C12orf42: variants seen among roughly 807,000 people sequenced by gnomAD.
C12orf42 encodes the protein chromosome 12 open reading frame 42, also known as uncharacterized protein C12orf42.
Under a neutral mutation model 21.6 loss-of-function variants are expected in C12orf42, and 25 were observed. The ratio of observed to expected loss-of-function variants is 1.16; its 90% confidence interval spans 0.84 to 1.62. The LOEUF is 1.62. Ranked by LOEUF, C12orf42 falls within the 40% of genes most tolerant of loss-of-function variation. C12orf42 has a pLI of 0.00. For synonymous variants in C12orf42, 174 were observed against 175.0 expected (o/e 0.99, Z 0.05); for missense variants, 483 against 459.3 (o/e 1.05, Z -0.47).
In C12orf42 at chr12:103,302,012, C is replaced by T; in HGVS notation, c.*96G>A. 7.6e-7 allele frequency: 1 copy of T among 1,319,532 alleles called. No individual in the cohort carries two copies. Among genetic ancestry groups the T allele is most frequent in the Non-Finnish European group, 1.0e-6 (1 of 956,428 alleles). 81.7% of individuals were successfully genotyped at this position (1,319,532 alleles called of 1,614,324 possible). Reference sequence around the variant, plus strand: ...GCTTCACAAAAGCCTAACAATGGTTCTGTGGAAACCAGTACATCTGAGGCC... The same window carrying T: ...GCTTCACAAAAGCCTAACAATGGTTTTGTGGAAACCAGTACATCTGAGGCC... On this transcript the variant is annotated 3_prime_UTR_variant, in exon 6 of 6. Coordinates refer to ENST00000548883, the MANE Select transcript of C12orf42 (RefSeq NM_198521.5).
intron 2 of C12orf42, among the ~76,000 whole-genome samples, chr12:103,447,019 G>C (rs1951620257): frequency 6.6e-6 from 1 of 151,956 alleles, no homozygotes; most frequent in African/African-American, 2.4e-5. Flanking sequence ...GGACTTAACA[G>C]ATATTTGCAG....
intron 4 of C12orf42, among the ~76,000 whole-genome samples, chr12:103,341,680 A>T (rs1010710981): frequency 1.3e-5 from 2 of 152,352 alleles, no homozygotes; most frequent in Non-Finnish European, 2.9e-5. Context: ...CAATTAATAG[A>T]CAGAGATGTC....
chr12:103,433,590 G>A (rs1286432373), intron 2 of C12orf42, among the ~76,000 whole-genome samples: 1 of 152,164 alleles, frequency 6.6e-6, no homozygotes, highest in Non-Finnish European at 1.5e-5. Flanking sequence ...ACAAGTTAAA[G>A]ACACAGCAAA....
chr12:103,494,760 C>A (rs570055120), intron 1 of C12orf42, among the ~76,000 whole-genome samples: 1 of 152,218 alleles, frequency 6.6e-6, no homozygotes, highest in South Asian at 2.1e-4. Context: ...TAGTGCCTAG[C>A]AGTTTTCATG....
intron 4 of C12orf42, among the ~76,000 whole-genome samples, chr12:103,286,731 A>G (rs1347177870): frequency 1.3e-5 from 2 of 152,188 alleles, no homozygotes; most frequent in East Asian, 3.8e-4. Context: ...ATAAAATGAA[A>G]TGGATCATAG....
intron 10 of C12orf42, among the ~76,000 whole-genome samples, chr12:103,248,326 A>T (rs2034111234): frequency 6.6e-6 from 1 of 152,024 alleles, no homozygotes; most frequent in Non-Finnish European, 1.5e-5. Context: ...ATGTTTTAAC[A>T]CCCACAATGC....
At chr12:103,511,690 C>T in the C12orf42 span, among the ~76,000 whole-genome samples, 1 of 152,110 alleles carries the variant, frequency 6.6e-6, no homozygotes, top group Non-Finnish European at 1.5e-5. Flanking sequence ...GAAGCAGGCC[C>T]AGGTGGAGAC....
At chr12:103,295,650 A>G (rs941138667) in intron 4 of C12orf42, among the ~76,000 whole-genome samples, 1 of 152,164 alleles carries the variant, frequency 6.6e-6, no homozygotes, top group Non-Finnish European at 1.5e-5. Context: ...AATTGTGCTC[A>G]ATGTCAGTGT....
At chr12:103,524,919 T>C in the C12orf42 span, among the ~76,000 whole-genome samples, 1 of 123,866 alleles carries the variant, frequency 8.1e-6, no homozygotes, top group African/African-American at 3.0e-5. Context: ...TCACAAAACA[T>C]GGCTGGCCCA....
chr12:103,498,959 C>G (rs545841427), upstream of C12orf42, among the ~76,000 whole-genome samples: 1 of 151,920 alleles, frequency 6.6e-6, no homozygotes, highest in East Asian at 1.9e-4. Context: ...ATAGATGCAG[C>G]AAACCACCAT....
intron 4 of C12orf42, among the ~76,000 whole-genome samples, chr12:103,295,293 A>G (rs1405739744): frequency 6.6e-6 from 1 of 152,162 alleles, no homozygotes; most frequent in Non-Finnish European, 1.5e-5. Context: ...TCTTTTATAG[A>G]GAGCCGAACT....
chr12:103,321,120 CA>C (rs1199049519), intron 4 of C12orf42, among the ~76,000 whole-genome samples: 5 of 151,906 alleles, frequency 3.3e-5, no homozygotes. Context: ...ACTCATCTGA[CA>C]AAGGACTAAT....
the C12orf42 span, among the ~76,000 whole-genome samples, chr12:103,112,691 C>T: frequency 6.6e-6 from 1 of 152,070 alleles, no homozygotes; most frequent in African/African-American, 2.4e-5. Flanking sequence ...AATAATACTT[C>T]ATTGCTTTCC....
chr12:103,479,781 A>AT (rs1169179276), intron 1 of C12orf42, among the ~76,000 whole-genome samples: 1 of 152,070 alleles, frequency 6.6e-6, no homozygotes, highest in South Asian at 2.1e-4. Flanking sequence ...CATTCATGAG[A>AT]TAAAAAACAA....
At chr12:103,478,924 G>A (rs1954269879) in intron 1 of C12orf42, among the ~76,000 whole-genome samples, 1 of 152,110 alleles carries the variant, frequency 6.6e-6, no homozygotes, top group African/African-American at 2.4e-5. Context: ...ATTATTTGGG[G>A]ATTTTGATGT....
intron 4 of C12orf42, chr12:103,368,191 T>C (rs1019369990): frequency 7.2e-6 from 4 of 552,684 alleles, no homozygotes; most frequent in African/African-American, 3.9e-5. Context: ...AATACAATTA[T>C]ATATCTTTTG....
chr12:103,168,378 C>T, the C12orf42 span: 3 of 237,822 alleles, frequency 1.3e-5, no homozygotes, highest in Non-Finnish European at 2.5e-5. Context: ...TTACCTAGTT[C>T]AACTCTTTCA....
chr12:103,335,136 T>A (rs2041581224), intron 4 of C12orf42, among the ~76,000 whole-genome samples: 1 of 152,252 alleles, frequency 6.6e-6, no homozygotes, highest in Non-Finnish European at 1.5e-5. Context: ...ACAAAACATC[T>A]TTAATCTTCT....
the C12orf42 span, among the ~76,000 whole-genome samples, chr12:103,075,805 A>C: frequency 6.6e-6 from 1 of 152,210 alleles, no homozygotes; most frequent in Non-Finnish European, 1.5e-5. Flanking sequence ...AGAGGAATAA[A>C]ATGAAAGGAC....
Sources: allele counts gnomAD v4.1 joint callset (sites outside exome capture counted in the v4.1 genomes callset), GRCh38; gene constraint gnomAD v4.1.1; transcripts MANE v1.5; gene names NCBI Gene and HGNC (gene_info 2026-07-23, HGNC 2026-07-21).